The following NALF1 variants were observed in gnomAD, a reference collection of about 807,000 sequenced individuals.
NALF1 encodes the protein NALCN channel auxiliary factor 1.
In NALF1, 3 loss-of-function variants were observed where a neutral mutation model predicts 48.4. The observed-to-expected ratio is 0.06, with a 90% confidence interval of 0.03 to 0.16. NALF1 has a LOEUF of 0.16. NALF1 is among the 10% of genes least tolerant of loss of function. The pLI is 1.00. For synonymous variants in NALF1, 262 were observed against 245.7 expected, an observed-to-expected ratio of 1.07 and a Z score of -0.62; for missense variants, 526 against 571.5, an observed-to-expected ratio of 0.92 and a Z score of 0.81.
chr13:107,603,158 T>C (rs546226888), intron 1 of NALF1, among the ~76,000 whole-genome samples: 5 of 152,348 alleles, frequency 3.3e-5, no homozygotes, highest in African/African-American at 4.8e-5. Flanking sequence ...TGTACTGATA[T>C]GCAATTTAAT....
chr13:107,296,356 A>C (rs943049533), intron 1 of NALF1, among the ~76,000 whole-genome samples: 9 of 152,200 alleles, frequency 5.9e-5, no homozygotes, highest in Admixed American at 1.3e-4. Context: ...AGTTATAGTT[A>C]AATTTGTTCA....
At chr13:107,521,533 T>G (rs1876238031) in intron 1 of NALF1, among the ~76,000 whole-genome samples, 1 of 152,204 alleles carries the variant, frequency 6.6e-6, no homozygotes, top group South Asian at 2.1e-4. Context: ...TCCCCCCTTA[T>G]AAAGCACTAG....
chr13:107,505,841 T>C (rs1445096017), intron 1 of NALF1, among the ~76,000 whole-genome samples: 1 of 152,202 alleles, frequency 6.6e-6, no homozygotes, highest in Non-Finnish European at 1.5e-5. Flanking sequence ...ATTTTAGTCT[T>C]ATTATCTCCA....
chr13:107,472,504 C>A (rs887478191), intron 1 of NALF1, among the ~76,000 whole-genome samples: 1 of 152,088 alleles, frequency 6.6e-6, no homozygotes, highest in Non-Finnish European at 1.5e-5. Flanking sequence ...CAGACCCACC[C>A]TCAACCCAGG....
intron 1 of NALF1, among the ~76,000 whole-genome samples, chr13:107,863,104 T>G (rs943395144): frequency 6.6e-6 from 1 of 151,840 alleles, no homozygotes; most frequent in Non-Finnish European, 1.5e-5. Flanking sequence ...TTACTTTTAA[T>G]GTAGCCTATG....
chr13:107,635,437 T>TGACCACCTCCATCATTC (rs1702744819), intron 1 of NALF1, among the ~76,000 whole-genome samples: 1 of 51,202 alleles, frequency 2.0e-5, no homozygotes, highest in Non-Finnish European at 5.2e-5. Context: ...AACATAGGGG[T>TGACCACCTCCATCATTC]AACCACCTCC....
intron 1 of NALF1, among the ~76,000 whole-genome samples, chr13:107,747,751 C>T (rs558293352): frequency 4.2e-4 from 64 of 152,172 alleles, no homozygotes; most frequent in African/African-American, 1.5e-3. Flanking sequence ...AGGATCTGGG[C>T]TTTTTGTTTG....
At chr13:107,738,335 G>T (rs1418076562) in intron 1 of NALF1, among the ~76,000 whole-genome samples, 1 of 152,110 alleles carries the variant, frequency 6.6e-6, no homozygotes, top group Non-Finnish European at 1.5e-5. Context: ...GTTCTAAGTG[G>T]CATTTACGCA....
chr13:107,544,486 C>CA (rs1159167315), intron 1 of NALF1, among the ~76,000 whole-genome samples: 2 of 152,124 alleles, frequency 1.3e-5, no homozygotes, highest in Non-Finnish European at 2.9e-5. Context: ...ATCTCAGAGA[C>CA]AAAATAGAAG....
At chr13:107,384,965 T>G (rs1354049202) in intron 1 of NALF1, among the ~76,000 whole-genome samples, 8 of 152,128 alleles carry the variant, frequency 5.3e-5, no homozygotes, top group Non-Finnish European at 1.5e-5. Context: ...AGCACATTAT[T>G]CCCTGTAAAT....
intron 1 of NALF1, among the ~76,000 whole-genome samples, chr13:107,526,217 C>T (rs1230315802): frequency 1.1e-4 from 17 of 152,004 alleles, no homozygotes; most frequent in Admixed American, 1.1e-3. Flanking sequence ...TTTTCATGAG[C>T]ATCTGTATGT....
intron 1 of NALF1, among the ~76,000 whole-genome samples, chr13:107,548,830 T>C (rs1251673364): frequency 6.6e-6 from 1 of 151,928 alleles, no homozygotes; most frequent in African/African-American, 2.4e-5. Context: ...GTGTGTGTGT[T>C]TGTATTATAC....
chr13:107,282,296 C>T (rs2138873872), intron 1 of NALF1, among the ~76,000 whole-genome samples: 1 of 152,274 alleles, frequency 6.6e-6, no homozygotes. Context: ...TAAGCGAATG[C>T]TTGCTATGAA....
At chr13:107,551,909 T>C (rs1877304939) in intron 1 of NALF1, among the ~76,000 whole-genome samples, 1 of 152,162 alleles carries the variant, frequency 6.6e-6, no homozygotes, top group Non-Finnish European at 1.5e-5. Flanking sequence ...TAAGAGCAAG[T>C]AGTTAATAAA....
intron 1 of NALF1, among the ~76,000 whole-genome samples, chr13:107,254,062 A>AAAAAAAAAAAATATATATATATATATAT: frequency 1.1e-4 from 15 of 138,674 alleles, no homozygotes; most frequent in Admixed American, 3.0e-4. Flanking sequence ...CAAGTACTAA[A>AAAAAAAAAAAATATATATATATATATAT]ATATATATAT....
rs142353126 is a variant in NALF1 at position 107,596,248 on chromosome 13, T to C, written c.915+269434A>G. Among the ~76,000 whole-genome samples, 571 of 152,332 alleles carry C rather than the reference T, an allele frequency of 3.7e-3. 3 individuals carry two copies. Among genetic ancestry groups the C allele is most frequent in the African/African-American group, 0.013 (540 of 41,576 alleles). On this transcript the variant is annotated intron_variant, in intron 1 of 2. Transcript: ENST00000375915. Reference sequence around the variant, plus strand: ...AGGGAATTTTCTAGTTCAGCCATTGTGAAAGACAGTGTGGCGATTCCTCAA... The same window carrying C: ...AGGGAATTTTCTAGTTCAGCCATTGCGAAAGACAGTGTGGCGATTCCTCAA...
intron 1 of NALF1, among the ~76,000 whole-genome samples, chr13:107,676,714 A>C (rs1051160093): frequency 6.6e-6 from 1 of 152,188 alleles, no homozygotes; most frequent in Non-Finnish European, 1.5e-5. Context: ...TCTTTGAAAT[A>C]TATCTGTACA....
intron 1 of NALF1, among the ~76,000 whole-genome samples, chr13:107,599,422 A>AC (rs1878858817): frequency 2.5e-5 from 1 of 40,584 alleles, no homozygotes; most frequent in African/African-American, 1.4e-4. Context: ...ACTCCGTCTC[A>AC]AAAAAAAAAA....
chr13:107,537,161 A>G (rs924912192), intron 1 of NALF1, among the ~76,000 whole-genome samples: 15 of 152,112 alleles, frequency 9.9e-5, no homozygotes, highest in Admixed American at 6.5e-4. Context: ...GCACACCAAC[A>G]TGGCACATGT....
Sources: gnomAD v4.1 joint callset for allele counts (sites outside exome capture counted in the v4.1 genomes callset) on GRCh38, gnomAD v4.1.1 for gene constraint, MANE v1.5 for transcripts, NCBI Gene and HGNC (gene_info 2026-07-23, HGNC 2026-07-21) for gene names.